ACY3: variants seen among roughly 807,000 people sequenced by gnomAD.
ACY3 encodes the protein aminoacylase 3, also known as N-acyl-aromatic-L-amino acid amidohydrolase (carboxylate-forming).
Under a neutral mutation model 24.6 loss-of-function variants are expected in ACY3, and 20 were observed. The observed-to-expected ratio is 0.81, with a 90% confidence interval of 0.57 to 1.18. ACY3 has a LOEUF of 1.18. ACY3 is among the 50% of genes most tolerant of loss of function. The probability of loss-of-function intolerance (pLI) is 0.00; values close to 1 mark genes in which losing one functional copy is unlikely to be tolerated. For missense variants in ACY3, 423 were observed against 426.8 expected, an observed-to-expected ratio of 0.99 and a Z score of 0.08; for synonymous variants, 174 against 188.4, an observed-to-expected ratio of 0.92 and a Z score of 0.62.
intron 3 of ACY3, among the ~76,000 whole-genome samples, chr11:67,646,307 T>C (rs898925889): frequency 6.6e-6 from 1 of 152,252 alleles, no homozygotes; most frequent in African/African-American, 2.4e-5. Context: ...CCCTGACTGC[T>C]CTCAGCCAGG....
chr11:67,648,326 C>T (rs976888436), intron 1 of ACY3, among the ~76,000 whole-genome samples: 2 of 152,160 alleles, frequency 1.3e-5, no homozygotes, highest in African/African-American at 4.8e-5. Context: ...GCGCACAGAG[C>T]CCTAGAGGCG....
chr11:67,645,601 G>C (rs957328947), intron 4 of ACY3, 91 bp downstream of exon 4: 5 of 1,457,682 alleles, frequency 3.4e-6, no homozygotes, highest in Middle Eastern at 2.5e-4. Context: ...GGGGAAGAGG[G>C]GCTAAGCAAA....
At chr11:67,644,540 C>G (rs1454938953) in intron 7 of ACY3, among the ~76,000 whole-genome samples, 1 of 152,208 alleles carries the variant, frequency 6.6e-6, no homozygotes, top group African/African-American at 2.4e-5. Context: ...GCCTCTTGTG[C>G]TAGGCCTGAG....
chr11:67,646,965 C>T lies in ACY3; in HGVS notation c.79G>A (p.Gly27Ser), dbSNP rs761480551. 4 of 1,584,228 alleles carry T rather than the reference C, an allele frequency of 2.5e-6. No individual in the cohort carries two copies. In the African/African-American group the frequency reaches 5.4e-5, roughly 21 times the overall value. ...TGGTHGNEMS[G>S]VYLARHWLHA... ...AGCCAGTGCCGGGCCAGGTAGACGC[C>T]CGACATCTCGTTGCCATGCGTGCCC... The change falls in exon 3 of 8, where the codon GGC becomes AGC. Residue 27 changes from glycine to serine, a missense_variant. Gly to Ser is a moderately conservative substitution (Grantham distance 56). Coordinates refer to ENST00000255082, the MANE Select transcript of ACY3 (RefSeq NM_080658.2).
At chr11:67,645,988 C>A in intron 3 of ACY3, 101 bp from the exon 4 acceptor site, 1 of 1,220,312 alleles carries the variant, frequency 8.2e-7, no homozygotes, top group South Asian at 1.5e-5. Context: ...CCACTCTGAG[C>A]AGCTCGAGCG....
At chr11:67,644,126 C>T (rs908173154) in intron 7 of ACY3, among the ~76,000 whole-genome samples, 7 of 152,214 alleles carry the variant, frequency 4.6e-5, no homozygotes, top group African/African-American at 7.2e-5. Flanking sequence ...TAAACATGGA[C>T]GGGATGGTGC....
intron 4 of ACY3, 110 bp from the exon 5 acceptor site, chr11:67,645,490 C>A: frequency 1.5e-6 from 2 of 1,309,292 alleles, no homozygotes; most frequent in Middle Eastern, 2.5e-4. Flanking sequence ...TTGGCCAGGT[C>A]TCCCTCTACC....
At chr11:67,644,945 A>G in intron 6 of ACY3, 76 bp from the exon 7 acceptor site, 1 of 1,586,470 alleles carries the variant, frequency 6.3e-7, no homozygotes, top group Non-Finnish European at 8.6e-7. Context: ...GGGGTACGTC[A>G]GGGCTAGATC....
rs756412896 is a variant in ACY3, at chr11:67,645,304, A to G, written c.509T>C (p.Val170Ala). 2 of 1,613,604 alleles carry G rather than the reference A, an allele frequency of 1.2e-6. No homozygotes were observed. Among genetic ancestry groups the G allele is most frequent in the Non-Finnish European group, 1.7e-6 (2 of 1,179,976 alleles). The change falls in exon 5 of 8, where the codon GTG becomes GCG. Residue 170 changes from valine to alanine, a missense_variant. Transcript: ENST00000255082. ...CGGCCCACCCAGTCCATTTTTGGCC[A>G]CAGAGTCCAGGTTGTAGCTCTCCTC... ...SGEESYNLDS[V>A]AKNGLGLELG...
At position 67,644,833 on chromosome 11, in the gene ACY3, C is replaced by A. The variant is rs1292191630; in HGVS notation, c.671G>T (p.Arg224Ile). The change falls in exon 7 of 8, where the codon AGA becomes ATA. Residue 224 changes from arginine (R) to isoleucine (I), a missense_variant. Coordinates refer to ENST00000255082, the MANE Select transcript of ACY3 (RefSeq NM_080658.2). ...GGGGAAGTCCACGACGCCCACGGGT[C>A]TATAGGCTTCCATCTCAAAGGCAGG... Reference protein sequence around the residue: ...AFPAFEMEAYRPVGVVDFPRT... With the variant: ...AFPAFEMEAYIPVGVVDFPRT... The A allele has an allele frequency of 6.3e-7, 1 of 1,587,966 alleles. No homozygotes were observed. The highest frequency in any genetic ancestry group is 8.6e-7 in the Non-Finnish European group (1 of 1,167,352).
intron 1 of ACY3, among the ~76,000 whole-genome samples, chr11:67,649,024 C>T (rs987950968): frequency 6.6e-6 from 1 of 151,970 alleles, no homozygotes; most frequent in South Asian, 2.1e-4. Context: ...CTCCTGTATC[C>T]GGCCCAGCCC....
At chr11:67,643,614 G>A (rs1004003941) in intron 7 of ACY3, among the ~76,000 whole-genome samples, 1 of 152,032 alleles carries the variant, frequency 6.6e-6, no homozygotes, top group Non-Finnish European at 1.5e-5. Flanking sequence ...GGAGGCGGAG[G>A]TTGCAGTAAG....
chr11:67,648,754 G>T (rs1319210387), intron 1 of ACY3, among the ~76,000 whole-genome samples: 1 of 152,192 alleles, frequency 6.6e-6, no homozygotes, highest in East Asian at 1.9e-4. Flanking sequence ...TGTGGCCTGG[G>T]CTCTCCTGCC....
chr11:67,644,703 A>G, intron 7 of ACY3, 57 bp downstream of exon 7: 1 of 1,483,740 alleles, frequency 6.7e-7, no homozygotes, highest in Non-Finnish European at 9.1e-7. Context: ...CCTCCTCCCC[A>G]AGGCTGTGGC....
chr11:67,642,840 A>T lies in ACY3; in HGVS notation c.844T>A (p.Phe282Ile), dbSNP rs185370494. 9 of 1,614,098 alleles carry T rather than the reference A, an allele frequency of 5.6e-6. No individual in the cohort carries two copies. The highest frequency in any genetic ancestry group is 1.6e-4 in the Middle Eastern group (1 of 6,062). Residue 282 changes from phenylalanine (F) to isoleucine (I), a missense_variant, in exon 8 of 8, where the codon TTC (phenylalanine) becomes ATC (isoleucine). Phe to Ile is a conservative substitution (Grantham distance 21). Coordinates refer to ENST00000255082, the MANE Select transcript of ACY3 (RefSeq NM_080658.2). The stretch of plus-strand genomic sequence containing the variant: ...TCATAGTAGGCAGCCTCGTTAATGA[A>T]CACGGGGTACACCGTGGACTCTCCC... The part of the protein sequence containing the change: ...YEGESTVYPV[F>I]INEAAYYEKG...
At chr11:67,648,420 T>G (rs1855556174) in intron 1 of ACY3, among the ~76,000 whole-genome samples, 1 of 152,122 alleles carries the variant, frequency 6.6e-6, no homozygotes, top group African/African-American at 2.4e-5. Context: ...AGGATGAAGG[T>G]GAGGTCCCCT....
rs972463597 is a variant in ACY3 at position 67,650,567 on chromosome 11, C to T, written c.-95+16G>A. The T allele has an allele frequency of 5.9e-5, 9 of 152,206 alleles. No homozygotes were observed. The highest frequency in any genetic ancestry group is 2.2e-4 in the African/African-American group (9 of 41,460). 9.4% of individuals were successfully genotyped at this position (152,206 alleles called of 1,614,324 possible). On this transcript the variant is annotated intron_variant, in intron 1 of 7. Coordinates refer to ENST00000255082, the MANE Select transcript of ACY3 (RefSeq NM_080658.2). ...GTAAAGCAGTGGGCCGCGGCACCTTCCCCGGGCGAACTCACCCACGTGGCC... is the reference window on the plus strand; with the variant it reads ...GTAAAGCAGTGGGCCGCGGCACCTTTCCCGGGCGAACTCACCCACGTGGCC...
chr11:67,643,636 C>T (rs954105184), intron 7 of ACY3, among the ~76,000 whole-genome samples: 1 of 151,774 alleles, frequency 6.6e-6, no homozygotes, highest in African/African-American at 2.4e-5. Flanking sequence ...CAATATTATG[C>T]CACTGCACTC....
rs746720770 is a variant in ACY3 at position 67,645,338 on chromosome 11, G to T, written c.475C>A (p.Arg159=). The T allele has an allele frequency of 1.2e-6, 2 of 1,613,726 alleles. No homozygotes were observed. The highest frequency in any genetic ancestry group is 1.7e-6 in the Non-Finnish European group (2 of 1,180,000). ...AGGTTGTAGCTCTCCTCCCCAGACC[G>T]CTGGTACAGGAAGACCTGGCAGGAC... The part of the protein sequence containing the change: ...ELSCQVFLYQ[R]SGEESYNLDS... The change falls in exon 5 of 8, where the codon CGG becomes AGG. Residue 159 remains arginine, a synonymous_variant. Transcript: ENST00000255082.
Sources: allele counts gnomAD v4.1 joint callset (sites outside exome capture counted in the v4.1 genomes callset), GRCh38; gene constraint gnomAD v4.1.1; transcripts MANE v1.5; gene names NCBI Gene and HGNC (gene_info 2026-07-23, HGNC 2026-07-21).